The following ITGA9 variants were observed in gnomAD, a reference collection of about 807,000 sequenced individuals.
ITGA9 encodes integrin subunit alpha 9.
ITGA9 carries 56 observed loss-of-function variants against 127.8 expected under a neutral mutation model. That is an observed-to-expected ratio of 0.44 (90% CI 0.35 to 0.55). The LOEUF is 0.55. Ranked by LOEUF, ITGA9 falls within the 20% of genes least tolerant of loss-of-function variation. The pLI, the probability that ITGA9 is intolerant of heterozygous loss-of-function variation, is 0.00. For missense variants in ITGA9, 1,196 were observed against 1,347.1 expected, an observed-to-expected ratio of 0.89 and a Z score of 1.76; for synonymous variants, 508 against 514.5, an observed-to-expected ratio of 0.99 and a Z score of 0.17.
chr3:37,763,865 A>G lies in ITGA9; in HGVS notation c.2541+13296A>G, dbSNP rs866406944. Among the ~76,000 whole-genome samples the G allele has an allele frequency of 2.6e-5, 4 of 152,164 alleles. No individual in the cohort carries two copies. The East Asian group carries it at 5.8e-4, about 22-fold the overall frequency. ...CCTCAATTTTTTTTGTGGAAATTCA[A>G]TGGTTGACTGTACCAAGCCAGCTCT... On this transcript the variant is annotated intron_variant, in intron 23 of 27. Coordinates refer to ENST00000264741, the MANE Select transcript of ITGA9 (RefSeq NM_002207.3).
chr3:37,809,228 G>A (rs1330874295), intron 27 of ITGA9, among the ~76,000 whole-genome samples: 1 of 151,850 alleles, frequency 6.6e-6, no homozygotes, highest in African/African-American at 2.4e-5. Flanking sequence ...TGGGATTACA[G>A]GTGCCTGCCA....
At chr3:37,813,758 C>T (rs1697396237) in intron 27 of ITGA9, among the ~76,000 whole-genome samples, 1 of 151,802 alleles carries the variant, frequency 6.6e-6, no homozygotes, top group Admixed American at 6.6e-5. Flanking sequence ...AGTTAAGAGT[C>T]CTAGACTTAC....
At chr3:37,480,555 G>A (rs536863610) in intron 3 of ITGA9, among the ~76,000 whole-genome samples, 1 of 152,190 alleles carries the variant, frequency 6.6e-6, no homozygotes, top group Non-Finnish European at 1.5e-5. Context: ...TCTTGCTAGG[G>A]CCTTGGTGAC....
intron 23 of ITGA9, among the ~76,000 whole-genome samples, chr3:37,755,370 T>C (rs192036718): frequency 5.0e-4 from 74 of 149,104 alleles, no homozygotes; most frequent in African/African-American, 1.6e-3. Flanking sequence ...AGATGAGGAG[T>C]AGACCCCCAA....
chr3:37,725,045 G>A (rs992642663), intron 18 of ITGA9, among the ~76,000 whole-genome samples: 3 of 152,174 alleles, frequency 2.0e-5, no homozygotes, highest in African/African-American at 7.2e-5. Flanking sequence ...GATCCCATCT[G>A]CCTCTGATCT....
chr3:37,759,077 C>CCACA (rs10565669), intron 23 of ITGA9, among the ~76,000 whole-genome samples: 9,428 of 146,122 alleles, frequency 0.065, 346 homozygotes, highest in African/African-American at 0.073. Flanking sequence ...ATATATATAC[C>CCACA]CACACACACA....
At chr3:37,677,043 A>G (rs1451263409) in intron 17 of ITGA9, among the ~76,000 whole-genome samples, 1 of 152,172 alleles carries the variant, frequency 6.6e-6, no homozygotes, top group Non-Finnish European at 1.5e-5. Flanking sequence ...GTCAACAGTG[A>G]TATCTTTTCC....
At chr3:37,744,144 GGCTGGTGTGGT>G in intron 22 of ITGA9, 110 bp downstream of exon 22, 2 of 787,312 alleles carry the variant, frequency 2.5e-6, no homozygotes. Flanking sequence ...TTCTGTGGTT[GGCTGGTGTGGT>G]GTGTGTGTGA....
chr3:37,492,761 A>C (rs552375732), intron 4 of ITGA9, among the ~76,000 whole-genome samples: 1 of 152,282 alleles, frequency 6.6e-6, no homozygotes, highest in South Asian at 2.1e-4. Flanking sequence ...AAGAGTTACA[A>C]TTGGGTGTTT....
At position 37,452,621 on chromosome 3, in the gene ITGA9, A is replaced by G. The variant is rs935301422; in HGVS notation, c.185+62A>G. The G allele has an allele frequency of 4.2e-5, 57 of 1,358,710 alleles. No homozygotes were observed. In the African/African-American group the frequency reaches 6.7e-4, roughly 16 times the overall value. 84.2% of individuals were successfully genotyped at this position (1,358,710 alleles called of 1,614,324 possible). ...CGGCCACCGCCCCGGCCCCCAGGCC[A>G]GCGCCGCCGCCGCCTTTCCGGTCTC... On this transcript the variant is annotated intron_variant, in intron 1 of 27. Transcript: ENST00000264741. This position sits in a 1 kb window ranked among gnomAD's most constrained non-coding sequence, Gnocchi z 7.3.
At chr3:37,686,028 C>G (rs987910282) in intron 18 of ITGA9, among the ~76,000 whole-genome samples, 2 of 152,104 alleles carry the variant, frequency 1.3e-5, no homozygotes, top group African/African-American at 4.8e-5. Flanking sequence ...TTCCCAGTTT[C>G]TATATTAAGT....
intron 15 of ITGA9, among the ~76,000 whole-genome samples, chr3:37,552,468 A>G (rs967937475): frequency 1.3e-5 from 2 of 150,694 alleles, no homozygotes; most frequent in African/African-American, 5.0e-5. Flanking sequence ...ATTAGTATTA[A>G]TATCATGGCC....
intron 16 of ITGA9, among the ~76,000 whole-genome samples, chr3:37,640,429 C>T (rs900441594): frequency 5.9e-5 from 9 of 152,074 alleles, no homozygotes; most frequent in South Asian, 2.1e-4. Flanking sequence ...TGCAAGGAAA[C>T]GGGGCCTCAG....
intron 15 of ITGA9, among the ~76,000 whole-genome samples, chr3:37,628,326 T>C (rs1427599265): frequency 1.3e-5 from 2 of 152,092 alleles, no homozygotes; most frequent in Non-Finnish European, 2.9e-5. Flanking sequence ...TACTCCTGCG[T>C]CTAACTCTAA....
At chr3:37,602,167 CA>C (rs1207130900) in intron 15 of ITGA9, among the ~76,000 whole-genome samples, 1 of 152,046 alleles carries the variant, frequency 6.6e-6, no homozygotes, top group South Asian at 2.1e-4. Flanking sequence ...TGGGGCCAAA[CA>C]AATCATATTC....
chr3:37,572,594 A>C (rs1284777008), intron 15 of ITGA9, among the ~76,000 whole-genome samples: 1 of 152,232 alleles, frequency 6.6e-6, no homozygotes. Flanking sequence ...TGGACCTGTC[A>C]CTTACAGATA....
chr3:37,615,067 GT>G (rs1356606589), intron 15 of ITGA9, among the ~76,000 whole-genome samples: 1 of 152,180 alleles, frequency 6.6e-6, no homozygotes, highest in East Asian at 1.9e-4. Context: ...AATGCTTCCA[GT>G]TTTTGCCCAT....
chr3:37,714,069 G>T (rs536204001), intron 18 of ITGA9, among the ~76,000 whole-genome samples: 2 of 152,236 alleles, frequency 1.3e-5, no homozygotes. Context: ...AGTCACAGGG[G>T]TGGAACAAAT....
intron 15 of ITGA9, among the ~76,000 whole-genome samples, chr3:37,627,757 C>G (rs1700189981): frequency 2.6e-5 from 4 of 152,108 alleles, no homozygotes; most frequent in Admixed American, 2.6e-4. Context: ...CATTGGTCAG[C>G]AAGGGCATCC....
Sources: allele counts gnomAD v4.1 joint callset (sites outside exome capture counted in the v4.1 genomes callset), GRCh38; gene constraint gnomAD v4.1.1; non-coding constraint Gnocchi (gnomAD v3.1); transcripts MANE v1.5; gene names NCBI Gene and HGNC (gene_info 2026-07-23, HGNC 2026-07-21).